The following SRL variants were observed in gnomAD, a reference collection of about 807,000 sequenced individuals.
SRL encodes sarcalumenin.
Under a neutral mutation model 39.5 loss-of-function variants are expected in SRL, and 23 were observed. That is an observed-to-expected ratio of 0.58 (90% CI 0.42 to 0.82). The LOEUF is 0.82. SRL is among the 40% of genes least tolerant of loss of function. SRL has a pLI of 0.00. For missense variants in SRL, 592 were observed against 607.8 expected (o/e 0.97, Z 0.27); for synonymous variants, 272 against 237.4 (o/e 1.15, Z -1.34).
chr16:4,209,880 C>A (rs1042091464), intron 1 of SRL, among the ~76,000 whole-genome samples: 1 of 152,112 alleles, frequency 6.6e-6, no homozygotes, highest in African/African-American at 2.4e-5. Flanking sequence ...AATGGGTGAC[C>A]GGAACCCAGA....
intron 1 of SRL, among the ~76,000 whole-genome samples, chr16:4,220,446 G>GA (rs1359095957): frequency 1.1e-4 from 16 of 147,908 alleles, no homozygotes; most frequent in African/African-American, 1.2e-4. Context: ...CACTGTCCTA[G>GA]AAAAAAAAAA....
At chr16:4,225,102 TGGA>T in intron 1 of SRL, among the ~76,000 whole-genome samples, 1 of 152,120 alleles carries the variant, frequency 6.6e-6, no homozygotes, top group South Asian at 2.1e-4. Flanking sequence ...GAATGGATGG[TGGA>T]GGAGAACTGG....
intron 1 of SRL, among the ~76,000 whole-genome samples, chr16:4,210,165 G>C (rs1240363115): frequency 4.6e-5 from 7 of 152,168 alleles, no homozygotes; most frequent in Admixed American, 1.3e-4. Flanking sequence ...GGACAGGACA[G>C]GGAGCTGACT....
intron 1 of SRL, chr16:4,239,866 G>T (rs1024969844): frequency 6.6e-6 from 1 of 152,356 alleles, no homozygotes; most frequent in Non-Finnish European, 1.5e-5. Flanking sequence ...CCCAAGCCAG[G>T]ACTCCCAAAG....
At chr16:4,232,683 G>A (rs2052672798) in intron 1 of SRL, among the ~76,000 whole-genome samples, 1 of 152,126 alleles carries the variant, frequency 6.6e-6, no homozygotes, top group African/African-American at 2.4e-5. Flanking sequence ...GCTAATTGTT[G>A]TATTTTTTTG....
intron 1 of SRL, among the ~76,000 whole-genome samples, chr16:4,206,293 C>G (rs556210022): frequency 6.6e-6 from 1 of 152,190 alleles, no homozygotes; most frequent in African/African-American, 2.4e-5. Flanking sequence ...ATGCTTCCTA[C>G]AGCCTAGTCT....
At chr16:4,224,046 A>G (rs1567186724) in intron 1 of SRL, among the ~76,000 whole-genome samples, 1 of 152,032 alleles carries the variant, frequency 6.6e-6, no homozygotes, top group East Asian at 1.9e-4. Flanking sequence ...CACAGCAACT[A>G]CCATGGATGG....
At chr16:4,233,139 C>T (rs554128574) in intron 1 of SRL, among the ~76,000 whole-genome samples, 1 of 152,336 alleles carries the variant, frequency 6.6e-6, no homozygotes, top group East Asian at 1.9e-4. Context: ...AGAGAAAGAG[C>T]CACTTGGCTC....
At chr16:4,211,964 C>T (rs552394672) in intron 1 of SRL, among the ~76,000 whole-genome samples, 1 of 152,220 alleles carries the variant, frequency 6.6e-6, no homozygotes, top group South Asian at 2.1e-4. Context: ...TGTCCTATAA[C>T]ATTTCTGACA....
intron 1 of SRL, among the ~76,000 whole-genome samples, chr16:4,240,354 CT>C (rs1483882009): frequency 2.0e-5 from 3 of 152,254 alleles, no homozygotes; most frequent in Admixed American, 6.5e-5. Flanking sequence ...AGGAAGCCAC[CT>C]TGTGGGTTAG....
Position 4,242,039 on chromosome 16 carries a change from AGGCAGCCGAGCAGGACC to A in SRL, c.12_28del (p.Val5ProfsTer18). On this transcript the variant is annotated frameshift_variant, in exon 1 of 6. Transcript: ENST00000399609. LOFTEE classifies it high-confidence loss of function. ...TCCTGAGAACAGGAGCGAGGCCAGGAGGCAGCCGAGCAGGACCAGCGCCCTCATGGTGACTGCCAAGA... is the reference window on the plus strand; with the variant it reads ...TCCTGAGAACAGGAGCGAGGCCAGGAAGCGCCCTCATGGTGACTGCCAAGA... The A allele has an allele frequency of 1.2e-6, 2 of 1,613,190 alleles. No homozygotes were observed. The highest frequency in any genetic ancestry group is 1.7e-6 in the Non-Finnish European group (2 of 1,179,854).
intron 1 of SRL, chr16:4,206,998 G>A (rs367895828): frequency 4.4e-6 from 2 of 454,050 alleles, no homozygotes; most frequent in African/African-American, 4.0e-5. Context: ...CCTTCCTGGG[G>A]CTCCTCGGCT....
chr16:4,204,476 C>G, intron 2 of SRL, 57 bp downstream of exon 2: 1 of 1,532,760 alleles, frequency 6.5e-7, no homozygotes, highest in Non-Finnish European at 9.0e-7. Context: ...AGGAGTCTGC[C>G]CGGGCCCTGG....
chr16:4,198,619 A>AT (rs138419072), intron 3 of SRL, among the ~76,000 whole-genome samples: 7 of 151,670 alleles, frequency 4.6e-5, no homozygotes, highest in South Asian at 2.1e-4. Context: ...AAATTTAAAA[A>AT]TTTTTTTTTG....
In SRL at chr16:4,192,277, C is replaced by T. The variant is rs1273450479; in HGVS notation, c.1298G>A (p.Arg433Gln). 7.4e-6 allele frequency: 12 copies of T among 1,614,028 alleles called. No homozygotes were observed. The East Asian group carries it at 1.1e-4, about 15-fold the overall frequency. The change falls in exon 6 of 6, where the codon CGG (arginine) becomes CAG (glutamine). Residue 433 changes from arginine (R) to glutamine (Q), a missense_variant. Arg to Gln is a conservative substitution (Grantham distance 43). Transcript: ENST00000399609. The surrounding 1 kb of genome is among the most constrained non-coding windows in gnomAD (Gnocchi z 4.0). ...GCCCGGAAGCTCCTGAGTGATGGCCCGCTCAATCTTCTCCAGAAAGCAACC... is the reference window on the plus strand; with the variant it reads ...GCCCGGAAGCTCCTGAGTGATGGCCTGCTCAATCTTCTCCAGAAAGCAACC... ...MGGCFLEKIE[R>Q]AITQELPGLL...
Position 4,206,749 on chromosome 16 carries a change from C to CCCCCTGATG in SRL, c.62-2116_62-2115insCATCAGGGG, listed in dbSNP as rs1277244228. 1.2e-5 allele frequency: 5 copies of CCCCCTGATG among 407,266 alleles called. No individual in the cohort carries two copies. The Admixed American group carries it at 1.3e-4, about 10-fold the overall frequency. The allele number at this position is 407,266 out of a possible 1,614,324, so 25.2% of individuals were successfully genotyped here. ...TACCCTGGGCAACAATGATGGGACTCTCCCTCCCCCTGATGTCCCTCCTCG... is the reference window on the plus strand; with the variant it reads ...TACCCTGGGCAACAATGATGGGACTCCCCCTGATGTCCCTCCCCCTGATGTCCCTCCTCG... On this transcript the variant is annotated intron_variant, in intron 1 of 5. Coordinates refer to ENST00000399609, the MANE Select transcript of SRL (RefSeq NM_001098814.2).
intron 1 of SRL, among the ~76,000 whole-genome samples, chr16:4,225,890 C>T (rs1415635863): frequency 6.6e-6 from 1 of 152,102 alleles, no homozygotes; most frequent in Non-Finnish European, 1.5e-5. Flanking sequence ...GAGGCCCACA[C>T]CCTCTAGCCC....
chr16:4,214,083 G>A (rs1002617727), intron 1 of SRL, among the ~76,000 whole-genome samples: 6 of 152,094 alleles, frequency 3.9e-5, no homozygotes, highest in African/African-American at 1.2e-4. Flanking sequence ...CCAGCATTTC[G>A]GACCCTCTGC....
At position 4,190,111 on chromosome 16, in the gene SRL, C is replaced by G. The variant is rs752879432; in HGVS notation, c.*2042G>C. 2 of 397,320 alleles carry G rather than the reference C, an allele frequency of 5.0e-6. No individual in the cohort carries two copies. Among genetic ancestry groups the G allele is most frequent in the East Asian group, 3.6e-5 (1 of 28,048 alleles). The allele number at this position is 397,320 out of a possible 1,614,324, so 24.6% of individuals were successfully genotyped here. A position where few individuals can be genotyped will look rare whatever the true frequency, so the allele number is the denominator to read the frequency against. The stretch of plus-strand genomic sequence containing the variant: ...CCTTGGAAACATTGTCCTGAGTGCC[C>G]TGGAACCTCGGGTGTTCTTGTGGAA... On this transcript the variant is annotated 3_prime_UTR_variant, in exon 6 of 6. Coordinates refer to ENST00000399609, the MANE Select transcript of SRL (RefSeq NM_001098814.2).
Sources: allele counts gnomAD v4.1 joint callset (sites outside exome capture counted in the v4.1 genomes callset), GRCh38; gene constraint gnomAD v4.1.1; non-coding constraint Gnocchi (gnomAD v3.1); transcripts MANE v1.5; gene names NCBI Gene and HGNC (gene_info 2026-07-23, HGNC 2026-07-21).